Variants in CASK observed in about 807,000 individuals in gnomAD.
The protein encoded by CASK is calcium/calmodulin dependent serine protein kinase.
Under a neutral mutation model 82.9 loss-of-function variants are expected in CASK, and 4 were observed. The ratio of observed to expected loss-of-function variants is 0.05; its 90% CI spans 0.02 to 0.11. CASK has a LOEUF of 0.11. Among genes scored for constraint, CASK ranks in the 10% least tolerant of loss-of-function variants. The pLI is 1.00. For synonymous variants in CASK, 259 were observed against 253.5 expected (o/e 1.02, Z -0.20); for missense variants, 358 against 720.9 (o/e 0.50, Z 5.76).
chrX:41,674,398 A>G (rs2067238517), intron 5 of CASK, among the ~76,000 whole-genome samples: 1 of 111,923 alleles, frequency 8.9e-6, no homozygotes, highest in Admixed American at 9.5e-5. Context: ...AAGGCAGACT[A>G]TAAGAGTATC....
At chrX:41,586,043 G>C (rs940098295) in intron 14 of CASK, 4 of 110,366 alleles carry the variant, frequency 3.6e-5, no homozygotes, top group Non-Finnish European at 7.6e-5. Flanking sequence ...CCAGCTACTC[G>C]GGAGGCTTAG....
At chrX:41,894,597 T>TAAA (rs1209248352) in intron 1 of CASK, among the ~76,000 whole-genome samples, 13 of 40,468 alleles carry the variant, frequency 3.2e-4, no homozygotes, top group Non-Finnish European at 4.2e-4. Flanking sequence ...ACCCAAATAT[T>TAAA]AAAAAAAAAA....
intron 5 of CASK, among the ~76,000 whole-genome samples, chrX:41,673,818 G>C (rs753048390): frequency 2.1e-5 from 2 of 96,169 alleles, no homozygotes; most frequent in South Asian, 1.1e-3. Context: ...ACTGTGGTGA[G>C]AACTCTGGGT....
At chrX:41,618,912 C>T (rs192127909) in intron 11 of CASK, among the ~76,000 whole-genome samples, 1,763 of 103,523 alleles carry the variant, frequency 0.017, 37 homozygotes, top group African/African-American at 0.058. Context: ...CTGCAAGCTC[C>T]GCCTCCTGGG....
chrX:41,611,606 T>C (rs1386004774), intron 11 of CASK, among the ~76,000 whole-genome samples: 2 of 101,097 alleles, frequency 2.0e-5, no homozygotes, highest in Non-Finnish European at 4.0e-5. Flanking sequence ...CAGCTCTCCC[T>C]CTCCCTCTCC....
Position 41,733,240 on chromosome X carries a change from T to A in CASK, c.429+6144A>T, listed in dbSNP as rs758228639. The stretch of plus-strand genomic sequence containing the variant: ...TACTATGTTGCTCAGGCTGAGAAAC[T>A]TAAAACCAAGGAGTTGATTTCTTTT... On this transcript the variant is annotated intron_variant, in intron 5 of 26. Transcript: ENST00000378163. Among the ~76,000 whole-genome samples the A allele has an allele frequency of 1.2e-4, 13 of 108,674 alleles. No homozygotes were observed. In the South Asian group the frequency reaches 5.2e-3, roughly 44 times the overall value. The allele number at this position is 108,674 out of a possible 115,157, so 94.4% of individuals were successfully genotyped here. A position where few individuals can be genotyped will look rare whatever the true frequency, so the allele number is the denominator to read the frequency against.
At chrX:41,795,895 T>C in intron 2 of CASK, among the ~76,000 whole-genome samples, 1 of 110,865 alleles carries the variant, frequency 9.0e-6, no homozygotes, top group East Asian at 2.9e-4. Context: ...AGAAATACAG[T>C]AAATACCTTA....
At chrX:41,863,744 C>T (rs920125765) in intron 1 of CASK, among the ~76,000 whole-genome samples, 1 of 112,081 alleles carries the variant, frequency 8.9e-6, no homozygotes, top group African/African-American at 3.2e-5. Flanking sequence ...CTCTTCACTC[C>T]TCCTTCTCTA....
intron 1 of CASK, among the ~76,000 whole-genome samples, chrX:41,869,690 G>A (rs1463930746): frequency 1.9e-5 from 2 of 105,462 alleles, no homozygotes; most frequent in East Asian, 6.0e-4. Flanking sequence ...GCGCGCGCCT[G>A]TACTCCCAGT....
At chrX:41,730,505 T>C (rs1370412857) in intron 5 of CASK, among the ~76,000 whole-genome samples, 1 of 111,545 alleles carries the variant, frequency 9.0e-6, no homozygotes, top group Non-Finnish European at 1.9e-5. Context: ...ATCAATTCGT[T>C]TATAGTAGTA....
rs184019809 is a variant in CASK at position 41,618,973 on chromosome X, C to T, written c.1033+3644G>A. 3.4e-3 allele frequency among the ~76,000 whole-genome samples: 366 copies of T among 108,577 alleles called. 1 individual carries two copies. Among genetic ancestry groups the T allele is most frequent in the African/African-American group, 0.011 (343 of 29,858 alleles). 94.3% of individuals were successfully genotyped at this position (108,577 alleles called of 115,157 possible). ...TCCCGAGTAGCTGGGACTACGGGCACCCGCCACCACACCTGGCTAATTTTT... is the reference window on the plus strand; with the variant it reads ...TCCCGAGTAGCTGGGACTACGGGCATCCGCCACCACACCTGGCTAATTTTT... On this transcript the variant is annotated intron_variant, in intron 11 of 26. Coordinates refer to ENST00000378163, the MANE Select transcript of CASK (RefSeq NM_001367721.1).
intron 5 of CASK, among the ~76,000 whole-genome samples, chrX:41,682,162 A>G (rs763605186): frequency 3.6e-5 from 4 of 109,798 alleles, no homozygotes; most frequent in Non-Finnish European, 7.6e-5. Flanking sequence ...CTTTTTAAGT[A>G]GTATTGAAAA....
chrX:41,641,723 CTTTTA>C (rs2066657885), intron 8 of CASK, among the ~76,000 whole-genome samples: 1 of 109,736 alleles, frequency 9.1e-6, no homozygotes, highest in African/African-American at 3.3e-5. Flanking sequence ...AAAAACTTTA[CTTTTA>C]TTTATTTTTT....
At chrX:41,741,161 G>A (rs2068591782) in intron 4 of CASK, among the ~76,000 whole-genome samples, 1 of 111,285 alleles carries the variant, frequency 9.0e-6, no homozygotes, top group African/African-American at 3.3e-5. Context: ...GGGATTACAG[G>A]CATGAGCCAC....
intron 3 of CASK, among the ~76,000 whole-genome samples, chrX:41,782,018 G>A (rs2069487784): frequency 9.0e-6 from 1 of 111,659 alleles, no homozygotes; most frequent in Non-Finnish European, 1.9e-5. Flanking sequence ...GGAAAACTGA[G>A]TATCAACTGA....
intron 9 of CASK, among the ~76,000 whole-genome samples, chrX:41,632,533 T>C (rs2066487082): frequency 8.9e-6 from 1 of 111,956 alleles, no homozygotes; most frequent in South Asian, 3.7e-4. Context: ...ATTTGAAAGG[T>C]GCTAGCGCAA....
chrX:41,613,542 A>C (rs1456127276), intron 11 of CASK, among the ~76,000 whole-genome samples: 1 of 93,153 alleles, frequency 1.1e-5, no homozygotes, highest in African/African-American at 4.0e-5. Context: ...ACCTTTGTTC[A>C]CTTGTTTATC....
chrX:41,690,525 T>G (rs1316871449), intron 5 of CASK, among the ~76,000 whole-genome samples: 2 of 105,992 alleles, frequency 1.9e-5, no homozygotes, highest in Non-Finnish European at 3.9e-5. Context: ...TTTTTTTTTT[T>G]TTTTTGGTAT....
intron 25 of CASK, 137 bp from the exon 26 acceptor site, chrX:41,524,171 A>C (rs2064678495): frequency 4.1e-6 from 2 of 491,563 alleles, no homozygotes; most frequent in African/African-American, 2.4e-5. Flanking sequence ...GGTATTATTA[A>C]ATTTACCAAC....
Sources: allele counts gnomAD v4.1 joint callset (sites outside exome capture counted in the v4.1 genomes callset), GRCh38; gene constraint gnomAD v4.1.1; transcripts MANE v1.5; gene names NCBI Gene and HGNC (gene_info 2026-07-23, HGNC 2026-07-21).